OGN: variants seen among roughly 807,000 people sequenced by gnomAD.
OGN encodes mimecan.
A neutral mutation model predicts 30.8 loss-of-function variants in OGN; 19 were observed. The ratio of observed to expected loss-of-function variants is 0.62; its 90% CI spans 0.43 to 0.90. The LOEUF is 0.90. OGN is among the 40% of genes least tolerant of loss of function. OGN has a pLI of 0.00. For synonymous variants in OGN, 126 were observed against 128.3 expected, an observed-to-expected ratio of 0.98 and a Z score of 0.12; for missense variants, 283 against 349.7, an observed-to-expected ratio of 0.81 and a Z score of 1.52.
intron 1 of OGN, chr9:92,403,772 A>G (rs945321640): frequency 1.7e-6 from 1 of 605,062 alleles, no homozygotes; most frequent in Non-Finnish European, 2.1e-6. Flanking sequence ...TACCTGTAGT[A>G]TAAATAGTTA....
At chr9:92,402,971 A>G (rs1412736858) in intron 2 of OGN, among the ~76,000 whole-genome samples, 1 of 152,202 alleles carries the variant, frequency 6.6e-6, no homozygotes, top group African/African-American at 2.4e-5. Flanking sequence ...CTGGTGAGGG[A>G]TCATCTTAAA....
chr9:92,386,583 A>G (rs974597770), intron 5 of OGN, among the ~76,000 whole-genome samples: 2 of 152,082 alleles, frequency 1.3e-5, no homozygotes, highest in African/African-American at 2.4e-5. Context: ...TCTAATGCCA[A>G]CTTCTGGTAC....
At chr9:92,400,160 GT>G (rs903791723) in intron 3 of OGN, among the ~76,000 whole-genome samples, 1 of 151,446 alleles carries the variant, frequency 6.6e-6, no homozygotes, top group South Asian at 2.1e-4. Flanking sequence ...TTTTGTTTTT[GT>G]TTTTTTTGAG....
In OGN at chr9:92,385,692, A is replaced by C. The variant is rs1842389773; in HGVS notation, c.825T>G (p.Asn275Lys). 1 of 1,614,156 alleles carries C rather than the reference A, an allele frequency of 6.2e-7. No homozygotes were observed. The highest frequency in any genetic ancestry group is 1.3e-5 in the African/African-American group (1 of 75,052). ...DRIEEIRLEGNPIVLGKHPNS... is the reference protein window; with the variant it reads ...DRIEEIRLEGKPIVLGKHPNS... The stretch of plus-strand genomic sequence containing the variant: ...TTGGATGCTTTCCCAGGACGATTGG[A>C]TTGCCCTCCAGGCGTATCTCTTCAA... Residue 275 changes from asparagine (N) to lysine (K), a missense_variant, in exon 7 of 7, where the codon AAT becomes AAG. By Grantham distance (94) the Asn-to-Lys change is moderately conservative (BLOSUM62 0). Coordinates refer to ENST00000375561, the MANE Select transcript of OGN (RefSeq NM_014057.5).
chr9:92,389,547 TGTAA>T (rs1378437747), intron 5 of OGN: 2 of 202,430 alleles, frequency 9.9e-6, no homozygotes, highest in African/African-American at 4.6e-5. Flanking sequence ...TTTCGTAGAC[TGTAA>T]GTGTCATGAG....
chr9:92,402,434 A>G (rs1843154885), intron 2 of OGN, among the ~76,000 whole-genome samples: 2 of 152,194 alleles, frequency 1.3e-5, no homozygotes, highest in Non-Finnish European at 2.9e-5. Context: ...GTATTGTTAT[A>G]TATTTGGCTG....
chr9:92,403,507 G>A (rs1843204475), intron 1 of OGN, 25 bp from the exon 2 acceptor site: 5 of 1,470,758 alleles, frequency 3.4e-6, no homozygotes, highest in South Asian at 3.1e-5. Context: ...TCAGACCATC[G>A]AAGCAATATT....
At chr9:92,389,738 T>C in intron 5 of OGN, 116 bp downstream of exon 5, 1 of 670,302 alleles carries the variant, frequency 1.5e-6, no homozygotes, top group Non-Finnish European at 2.5e-6. Context: ...ATGTCTTCAT[T>C]TATTAAATCA....
In OGN at chr9:92,390,063, G is replaced by T. The variant is rs751452077; in HGVS notation, c.428-7C>A. On this transcript the variant is annotated splice_polypyrimidine_tract_variant and splice_region_variant and intron_variant, in intron 4 of 6. Coordinates refer to ENST00000375561, the MANE Select transcript of OGN (RefSeq NM_014057.5). ...TCGAGTCTTCTTAAGTTAGCTAGAG[G>T]GAAAAAAATATAAAAAACAACTACG... 4 of 1,510,070 alleles carry T rather than the reference G, an allele frequency of 2.6e-6. No individual in the cohort carries two copies. The South Asian group carries it at 4.8e-5, about 18-fold the overall frequency. 93.5% of individuals were successfully genotyped at this position (1,510,070 alleles called of 1,614,324 possible).
intron 3 of OGN, among the ~76,000 whole-genome samples, chr9:92,400,804 C>T (rs539315508): frequency 2.6e-5 from 4 of 152,182 alleles, no homozygotes; most frequent in Admixed American, 6.5e-5. Flanking sequence ...GCAAATAATC[C>T]GTGTTTAAGT....
At chr9:92,390,886 A>T (rs1842649590) in intron 4 of OGN, among the ~76,000 whole-genome samples, 1 of 152,172 alleles carries the variant, frequency 6.6e-6, no homozygotes, top group African/African-American at 2.4e-5. Flanking sequence ...CTTATCTAAC[A>T]TATTTTCCCT....
At chr9:92,396,750 G>A (rs1024783422) in intron 3 of OGN, among the ~76,000 whole-genome samples, 3 of 151,256 alleles carry the variant, frequency 2.0e-5, no homozygotes, top group African/African-American at 7.3e-5. Context: ...TAAATTTTTT[G>A]TAGAGACATG....
chr9:92,387,053 G>GAAA (rs903436031), intron 5 of OGN, among the ~76,000 whole-genome samples: 18 of 50,148 alleles, frequency 3.6e-4, no homozygotes, highest in Non-Finnish European at 5.6e-4. Context: ...GTCTCAAAAA[G>GAAA]AAAAAAAAAA....
rs1439152278 is a variant in OGN at position 92,389,894 on chromosome 9, T to C, written c.590A>G (p.Asn197Ser). The change falls in exon 5 of 7, where the codon AAC (asparagine) becomes AGC (serine). Residue 197 changes from asparagine (N) to serine (S), a missense_variant. Physicochemically the swap from Asn to Ser is conservative, Grantham distance 46. Transcript: ENST00000375561. ...PKLTLFNAKY[N>S]KIKSRGIKAN... is the part of the protein sequence containing the mutation. ...TTTGATTCCCCTACTCTTGATTTTG[T>C]TGTATTTTGCATTAAATAAAGTGAG... 6.2e-7 allele frequency: 1 copy of C among 1,613,066 alleles called. No homozygotes were observed. The highest frequency in any genetic ancestry group is 8.5e-7 in the Non-Finnish European group (1 of 1,179,430).
intron 3 of OGN, among the ~76,000 whole-genome samples, chr9:92,399,787 C>T (rs116024897): frequency 1.4e-3 from 209 of 152,184 alleles, no homozygotes; most frequent in African/African-American, 4.6e-3. Flanking sequence ...AGGTTGGTAC[C>T]TTTAGTATGT....
intron 2 of OGN, among the ~76,000 whole-genome samples, chr9:92,402,909 A>C (rs1843175809): frequency 6.6e-6 from 1 of 152,216 alleles, no homozygotes; most frequent in African/African-American, 2.4e-5. Context: ...GAGGCAACAC[A>C]ACATTGCAAG....
chr9:92,396,781 C>A (rs1253067863), intron 3 of OGN, among the ~76,000 whole-genome samples: 1 of 152,078 alleles, frequency 6.6e-6, no homozygotes. Context: ...GTTGCCCAAG[C>A]TGGTCTCAAA....
intron 5 of OGN, among the ~76,000 whole-genome samples, chr9:92,387,924 C>A (rs1327164926): frequency 1.4e-5 from 2 of 146,264 alleles, no homozygotes; most frequent in African/African-American, 5.0e-5. Flanking sequence ...CCACCACGCC[C>A]AGCTAATTTT....
At chr9:92,398,461 A>G (rs1842981032) in intron 3 of OGN, among the ~76,000 whole-genome samples, 1 of 152,158 alleles carries the variant, frequency 6.6e-6, no homozygotes, top group Non-Finnish European at 1.5e-5. Flanking sequence ...TTTCACAGAA[A>G]CAAGCAGATA....
Sources: gnomAD v4.1 joint callset for allele counts (sites outside exome capture counted in the v4.1 genomes callset) on GRCh38, gnomAD v4.1.1 for gene constraint, MANE v1.5 for transcripts, NCBI Gene and HGNC (gene_info 2026-07-23, HGNC 2026-07-21) for gene names.